SPATA17: variants seen among roughly 807,000 people sequenced by gnomAD.
SPATA17 encodes the protein spermatogenesis-associated protein 17.
A neutral mutation model predicts 62.2 loss-of-function variants in SPATA17; 53 were observed. The ratio of observed to expected loss-of-function variants is 0.85; its 90% CI spans 0.68 to 1.07. The LOEUF is 1.07. Among genes scored for constraint, SPATA17 ranks in the 50% least tolerant of loss-of-function variants. The pLI is 0.00. For synonymous variants in SPATA17, 146 were observed against 146.8 expected (o/e 0.99, Z 0.04); for missense variants, 466 against 425.5 (o/e 1.10, Z -0.84).
intron 10 of SPATA17, among the ~76,000 whole-genome samples, chr1:217,864,834 A>G (rs181123297): frequency 6.6e-6 from 1 of 152,246 alleles, no homozygotes; most frequent in Admixed American, 6.6e-5. Flanking sequence ...TTTTTTTCTG[A>G]ATATGAAATA....
chr1:217,670,580 A>T (rs1243831171), intron 4 of SPATA17, among the ~76,000 whole-genome samples: 1 of 152,192 alleles, frequency 6.6e-6, no homozygotes, highest in Non-Finnish European at 1.5e-5. Context: ...ATGTCAATTT[A>T]TCTTTGATTA....
chr1:217,818,276 C>T (rs896357447), intron 9 of SPATA17, among the ~76,000 whole-genome samples: 10 of 152,000 alleles, frequency 6.6e-5, no homozygotes, highest in East Asian at 5.8e-4. Flanking sequence ...TCACAATTTA[C>T]GGGAATGCTC....
In SPATA17 at chr1:217,744,184, C is replaced by T. The variant is rs1440606693; in HGVS notation, c.519+2086C>T. Among the ~76,000 whole-genome samples the T allele has an allele frequency of 6.4e-5, 3 of 47,234 alleles. 1 individual carries two copies. Among genetic ancestry groups the T allele is most frequent in the Non-Finnish European group, 1.7e-4 (2 of 11,980 alleles). 31.0% of individuals were successfully genotyped at this position (47,234 alleles called of 152,430 possible). A position where few individuals can be genotyped will look rare whatever the true frequency, so the allele number is the denominator to read the frequency against. On this transcript the variant is annotated intron_variant, in intron 6 of 10. Transcript: ENST00000366933. ...CCTGGTTTGACAAAGAATTTTCGGC[C>T]GGGCGCGGTGGCTCACGCCTGTAAT...
chr1:217,696,352 C>A (rs957350307), intron 5 of SPATA17, among the ~76,000 whole-genome samples: 2 of 152,284 alleles, frequency 1.3e-5, no homozygotes, highest in African/African-American at 4.8e-5. Context: ...TGCTTCGGCT[C>A]GCGCACAGTG....
At chr1:217,811,556 G>C (rs571740254) in intron 9 of SPATA17, among the ~76,000 whole-genome samples, 19 of 152,072 alleles carry the variant, frequency 1.2e-4, no homozygotes, top group Admixed American at 2.6e-4. Flanking sequence ...AGCTGGGCAT[G>C]GTGGTGCACA....
At chr1:217,669,569 T>A (rs539553904) in intron 4 of SPATA17, among the ~76,000 whole-genome samples, 2 of 152,200 alleles carry the variant, frequency 1.3e-5, no homozygotes, top group Non-Finnish European at 2.9e-5. Flanking sequence ...AAACTGAATT[T>A]AGCAATTATG....
intron 9 of SPATA17, among the ~76,000 whole-genome samples, chr1:217,817,048 A>G (rs1306280915): frequency 6.6e-6 from 1 of 152,114 alleles, no homozygotes; most frequent in Non-Finnish European, 1.5e-5. Flanking sequence ...AAAAATTAGA[A>G]GAAAAAATGA....
intron 6 of SPATA17, among the ~76,000 whole-genome samples, chr1:217,773,057 T>A (rs28367875): frequency 0.28 from 42,096 of 151,890 alleles, 6,241 homozygotes; most frequent in East Asian, 0.52. Flanking sequence ...GGATAGGACG[T>A]TGCATTTGGA....
intron 6 of SPATA17, among the ~76,000 whole-genome samples, chr1:217,745,010 A>G (rs1672714166): frequency 2.0e-5 from 3 of 152,222 alleles, no homozygotes; most frequent in African/African-American, 7.2e-5. Context: ...TCTTCCATTA[A>G]TCTTACCAAT....
chr1:217,706,567 A>T (rs1671742533), intron 5 of SPATA17, among the ~76,000 whole-genome samples: 1 of 152,178 alleles, frequency 6.6e-6, no homozygotes, highest in African/African-American at 2.4e-5. Flanking sequence ...GCTGCCATGT[A>T]AGATGTGCCT....
intron 5 of SPATA17, among the ~76,000 whole-genome samples, chr1:217,689,457 C>A (rs1264205766): frequency 6.6e-6 from 1 of 151,948 alleles, no homozygotes. Flanking sequence ...AACTCCTGGC[C>A]TCAGGTGATC....
At chr1:217,730,796 A>G (rs1672387092) in intron 5 of SPATA17, among the ~76,000 whole-genome samples, 1 of 152,172 alleles carries the variant, frequency 6.6e-6, no homozygotes, top group Admixed American at 6.5e-5. Context: ...TTTTTTAAAA[A>G]AACTCTGTGA....
intron 6 of SPATA17, among the ~76,000 whole-genome samples, chr1:217,763,600 C>A (rs907470189): frequency 6.6e-6 from 1 of 152,170 alleles, no homozygotes; most frequent in African/African-American, 2.4e-5. Context: ...TATTAAGGAA[C>A]TAAAATACTT....
chr1:217,635,719 TGAGTGAG>T (rs1039204696), intron 1 of SPATA17, among the ~76,000 whole-genome samples: 2 of 151,258 alleles, frequency 1.3e-5, no homozygotes, highest in Non-Finnish European at 3.0e-5. Flanking sequence ...GGCAAGTGGT[TGAGTGAG>T]TTATTATCAG....
intron 5 of SPATA17, among the ~76,000 whole-genome samples, chr1:217,688,563 T>G (rs78579105): frequency 0.044 from 6,763 of 152,298 alleles, 231 homozygotes; most frequent in Middle Eastern, 0.1. Context: ...AGCCCCATCT[T>G]CAAATGCTCA....
At chr1:217,850,797 A>T (rs1339433480) in intron 9 of SPATA17, among the ~76,000 whole-genome samples, 1 of 152,160 alleles carries the variant, frequency 6.6e-6, no homozygotes, top group East Asian at 1.9e-4. Flanking sequence ...TAGATGTAGG[A>T]TATAAACACA....
chr1:217,665,656 A>G (rs1327110213), intron 3 of SPATA17, among the ~76,000 whole-genome samples: 3 of 152,186 alleles, frequency 2.0e-5, no homozygotes, highest in African/African-American at 7.2e-5. Flanking sequence ...ATACTCAGCC[A>G]TGTATACAGT....
At chr1:217,764,761 C>T (rs1397938074) in intron 6 of SPATA17, among the ~76,000 whole-genome samples, 2 of 152,100 alleles carry the variant, frequency 1.3e-5, no homozygotes, top group African/African-American at 4.8e-5. Flanking sequence ...GTATTTTGGC[C>T]ATTTCAGTTG....
At chr1:217,636,934 G>C (rs1049560049) in intron 1 of SPATA17, among the ~76,000 whole-genome samples, 2 of 152,142 alleles carry the variant, frequency 1.3e-5, no homozygotes, top group Non-Finnish European at 2.9e-5. Context: ...GAAGAAATCA[G>C]CCAGATATAT....
Sources: allele counts gnomAD v4.1 joint callset (sites outside exome capture counted in the v4.1 genomes callset), GRCh38; gene constraint gnomAD v4.1.1; transcripts MANE v1.5; gene names NCBI Gene and HGNC (gene_info 2026-07-23, HGNC 2026-07-21).